Variants in ABCA13 observed in about 807,000 individuals in gnomAD.
ABCA13 encodes the protein ATP-binding cassette sub-family A member 13.
ABCA13 carries 476 observed loss-of-function variants against 478.7 expected under a neutral mutation model. That is an observed-to-expected ratio of 0.99 (90% CI 0.92 to 1.07). The LOEUF (loss-of-function observed/expected upper bound fraction) is 1.07, where lower values mean the gene tolerates loss of function less well. ABCA13 is among the 50% of genes least tolerant of loss of function. The pLI is 0.00. For missense variants in ABCA13, 6,060 were observed against 5,910.6 expected, an observed-to-expected ratio of 1.03 and a Z score of -0.83; for synonymous variants, 2,252 against 2,158.9, an observed-to-expected ratio of 1.04 and a Z score of -1.20.
At chr7:48,232,388 A>T (rs577551450) in intron 7 of ABCA13, among the ~76,000 whole-genome samples, 11 of 152,180 alleles carry the variant, frequency 7.2e-5, no homozygotes, top group African/African-American at 2.6e-4. Context: ...AATTTGCCTT[A>T]CAATTGAAAA....
intron 15 of ABCA13, among the ~76,000 whole-genome samples, chr7:48,260,611 G>A (rs1463000262): frequency 6.6e-6 from 1 of 151,876 alleles, no homozygotes; most frequent in Admixed American, 6.6e-5. Flanking sequence ...CATGATTTTC[G>A]TTTGACAGTT....
At chr7:48,463,769 A>G (rs955167065) in intron 43 of ABCA13, among the ~76,000 whole-genome samples, 2 of 149,116 alleles carry the variant, frequency 1.3e-5, no homozygotes, top group African/African-American at 4.9e-5. Flanking sequence ...AAAGGAAGGG[A>G]AAAGAACGGA....
chr7:48,615,427 C>T lies in ABCA13; in HGVS notation c.14837+50C>T. 2 of 1,484,620 alleles carry T rather than the reference C, an allele frequency of 1.3e-6. No homozygotes were observed. Among genetic ancestry groups the T allele is most frequent in the Non-Finnish European group, 1.8e-6 (2 of 1,089,244 alleles). The allele number at this position is 1,484,620 out of a possible 1,614,324, so 92.0% of individuals were successfully genotyped here. A position where few individuals can be genotyped will look rare whatever the true frequency, so the allele number is the denominator to read the frequency against. On this transcript the variant is annotated intron_variant, in intron 59 of 61. Coordinates refer to ENST00000435803, the MANE Select transcript of ABCA13 (RefSeq NM_152701.5). ...TAGATATTTACTATGAAATCAATAG[C>T]ATGATGCAGGGTTATGACTGGAGAT...
chr7:48,175,584 C>A (rs1344486834), intron 1 of ABCA13, among the ~76,000 whole-genome samples: 1 of 152,096 alleles, frequency 6.6e-6, no homozygotes, highest in Non-Finnish European at 1.5e-5. Flanking sequence ...CCATGCCCAG[C>A]AAATTTTTGT....
intron 59 of ABCA13, among the ~76,000 whole-genome samples, chr7:48,618,226 G>C (rs1342852168): frequency 1.3e-5 from 2 of 152,160 alleles, no homozygotes; most frequent in Non-Finnish European, 2.9e-5. Context: ...ACCCATGCCT[G>C]ACTCTGCTCT....
rs777720095 is a variant in ABCA13 at position 48,350,745 on chromosome 7, T to C, written c.10307T>C (p.Phe3436Ser). 4 of 1,613,954 alleles carry C rather than the reference T, an allele frequency of 2.5e-6. No homozygotes were observed. Among genetic ancestry groups the C allele is most frequent in the South Asian group, 1.1e-5 (1 of 91,086 alleles). Residue 3436 changes from phenylalanine to serine, a missense_variant, in exon 30 of 62, where the codon TTC becomes TCC. Phe to Ser is a radical substitution (Grantham distance 155, BLOSUM62 -2). Around this residue, in one of 3 missense-constraint regions of ABCA13, gnomAD observed 4,423 missense variants for 4,309.1 expected, o/e 1.03. Coordinates refer to ENST00000435803, the MANE Select transcript of ABCA13 (RefSeq NM_152701.5). ...NLSSCVALNR[F>S]QALQSVDILE... ...TCTTCCTGCGTGGCACTGAACCGTT[T>C]CCAGGCTCTGCAGTCTGTCGACATC...
At chr7:48,202,560 A>G (rs1798928936) in intron 3 of ABCA13, among the ~76,000 whole-genome samples, 1 of 152,032 alleles carries the variant, frequency 6.6e-6, no homozygotes, top group South Asian at 2.1e-4. Flanking sequence ...AGCTAAACAC[A>G]GGGTGCTGAT....
At chr7:48,485,063 CT>C (rs1301271126) in intron 47 of ABCA13, among the ~76,000 whole-genome samples, 1 of 152,120 alleles carries the variant, frequency 6.6e-6, no homozygotes, top group Non-Finnish European at 1.5e-5. Context: ...CTTGTGTGAC[CT>C]TTATGAGTTC....
intron 27 of ABCA13, among the ~76,000 whole-genome samples, chr7:48,334,884 CT>C (rs984280398): frequency 1.3e-5 from 2 of 152,110 alleles, no homozygotes; most frequent in African/African-American, 4.8e-5. Flanking sequence ...AAACTATTTC[CT>C]TAGGATAGAG....
intron 16 of ABCA13, among the ~76,000 whole-genome samples, chr7:48,270,760 G>C (rs1385520077): frequency 3.9e-5 from 6 of 152,184 alleles, no homozygotes; most frequent in Admixed American, 2.0e-4. Flanking sequence ...ATGTCAGACA[G>C]TGTGTTATAC....
Position 48,427,747 on chromosome 7 carries a change from G to T in ABCA13, c.12460-19G>T. 1.4e-6 allele frequency: 2 copies of T among 1,443,196 alleles called. No individual in the cohort carries two copies. Among genetic ancestry groups the T allele is most frequent in the Admixed American group, 1.8e-5 (1 of 56,572 alleles). 89.4% of individuals were successfully genotyped at this position (1,443,196 alleles called of 1,614,324 possible). A position where few individuals can be genotyped will look rare whatever the true frequency, so the allele number is the denominator to read the frequency against. On this transcript the variant is annotated intron_variant, in intron 41 of 61. Coordinates refer to ENST00000435803, the MANE Select transcript of ABCA13 (RefSeq NM_152701.5). ...ATAGAAACATAAAATAATACATGGCGTTTTTTTTTCTCCGAAAGGTGTTTT... is the reference window on the plus strand; with the variant it reads ...ATAGAAACATAAAATAATACATGGCTTTTTTTTTTCTCCGAAAGGTGTTTT...
At chr7:48,594,884 G>A (rs906189571) in intron 58 of ABCA13, 71 bp downstream of exon 58, 1 of 1,278,564 alleles carries the variant, frequency 7.8e-7, no homozygotes, top group Non-Finnish European at 1.1e-6. Context: ...GTGCATTTAG[G>A]TACCTGCACA....
chr7:48,336,118 A>G (rs1806226455), intron 28 of ABCA13, among the ~76,000 whole-genome samples: 1 of 152,200 alleles, frequency 6.6e-6, no homozygotes, highest in Non-Finnish European at 1.5e-5. Context: ...CTCAGGAGCT[A>G]GAATCCTTTG....
chr7:48,615,242 C>T, intron 58 of ABCA13, 43 bp from the exon 59 acceptor site: 1 of 1,278,170 alleles, frequency 7.8e-7, no homozygotes. Context: ...ACCCTCCCCT[C>T]TTCAGGAAAT....
chr7:48,511,231 C>T lies in ABCA13; in HGVS notation c.13640+32C>T, dbSNP rs117268031. ...GATGAGAAACGCTGCTGCAGAATTA[C>T]GGTTTGTTTTCTGAAAGAGAAAACC... On this transcript the variant is annotated intron_variant, in intron 51 of 61. Coordinates refer to ENST00000435803, the MANE Select transcript of ABCA13 (RefSeq NM_152701.5). 628 of 1,555,822 alleles carry T rather than the reference C, an allele frequency of 4.0e-4. 2 individuals are homozygous for T. Among genetic ancestry groups the T allele is most frequent in the Admixed American group, 1.1e-3 (62 of 55,392 alleles).
chr7:48,264,082 A>G (rs1054823768), intron 15 of ABCA13, among the ~76,000 whole-genome samples: 1 of 151,902 alleles, frequency 6.6e-6, no homozygotes, highest in African/African-American at 2.4e-5. Flanking sequence ...TTTACTTAGC[A>G]TAATTAATTA....
rs1831646578 is a variant in ABCA13, at chr7:48,511,166, T to C, written c.13607T>C (p.Leu4536Ser). ...QLTAFTFRKN[L>S]AATALLLSLF... is the part of the protein sequence containing the mutation. ...ACAGCTTTTACTTTCCGCAAGAACT[T>C]GGCAGCCACGGCCCTCCTGCTGTCA... is the stretch of plus-strand genomic sequence containing the variant. Residue 4536 changes from leucine to serine, a missense_variant, in exon 51 of 62, where the codon TTG (leucine) becomes TCG (serine). Physicochemically the swap from Leu to Ser is moderately radical, Grantham distance 145. Around this residue, in one of 3 missense-constraint regions of ABCA13, gnomAD observed 1,627 missense variants for 1,571.0 expected, o/e 1.04. Transcript: ENST00000435803. The C allele has an allele frequency of 1.2e-6, 2 of 1,613,416 alleles. No individual in the cohort carries two copies. Among genetic ancestry groups the C allele is most frequent in the Non-Finnish European group, 8.5e-7 (1 of 1,179,640 alleles).
At chr7:48,211,876 C>T (rs1785708940) in intron 3 of ABCA13, among the ~76,000 whole-genome samples, 2 of 151,858 alleles carry the variant, frequency 1.3e-5, no homozygotes, top group Admixed American at 1.3e-4. Context: ...CTTCTCCCTT[C>T]CTCAAGCAGA....
chr7:48,319,503 G>A (rs1389800805), intron 27 of ABCA13, among the ~76,000 whole-genome samples: 3 of 152,094 alleles, frequency 2.0e-5, no homozygotes, highest in Non-Finnish European at 2.9e-5. Context: ...TTGCCTCTTG[G>A]GCTATGCGAA....
Sources: allele counts gnomAD v4.1 joint callset (sites outside exome capture counted in the v4.1 genomes callset), GRCh38; gene constraint gnomAD v4.1.1; regional missense constraint gnomAD v4.1.1; transcripts MANE v1.5; gene names NCBI Gene and HGNC (gene_info 2026-07-23, HGNC 2026-07-21).